SLC22A13: variants seen among roughly 807,000 people sequenced by gnomAD.
SLC22A13 encodes solute carrier family 22 member 13, also known as organic anion transporter 10.
In SLC22A13, 42 loss-of-function variants were observed where a neutral mutation model predicts 49.1. That is an observed-to-expected ratio of 0.85 (90% CI 0.67 to 1.11). SLC22A13 has a LOEUF of 1.11. Ranked by LOEUF, SLC22A13 falls within the 50% of genes least tolerant of loss-of-function variation. The pLI is 0.00. For synonymous variants in SLC22A13, 282 were observed against 293.1 expected (o/e 0.96, Z 0.39); for missense variants, 694 against 712.8 (o/e 0.97, Z 0.30).
chr3:38,266,042 A>G lies in SLC22A13; in HGVS notation c.182A>G (p.Asn61Ser). ...AVAWVKNHTF[N>S]LSAAEQLVLS... ...GCTTGGGTGAAGAACCACACTTTCA[A>G]CCTGAGTGCTGCTGAACAGCTGGTA... is the stretch of plus-strand genomic sequence containing the variant. Residue 61 changes from asparagine to serine, a missense_variant, in exon 1 of 10, where the codon AAC becomes AGC. Physicochemically the swap from Asn to Ser is conservative, Grantham distance 46. Coordinates refer to ENST00000311856, the MANE Select transcript of SLC22A13 (RefSeq NM_004256.4). The G allele has an allele frequency of 6.2e-7, 1 of 1,614,038 alleles. No individual in the cohort carries two copies. Among genetic ancestry groups the G allele is most frequent in the South Asian group, 1.1e-5 (1 of 91,074 alleles).
intron 1 of SLC22A13, among the ~76,000 whole-genome samples, chr3:38,273,444 G>A (rs894823658): frequency 3.3e-5 from 5 of 151,888 alleles, no homozygotes; most frequent in African/African-American, 9.7e-5. Context: ...TCTCCTAATC[G>A]CCTTCCTCAG....
rs74712802 is a variant in SLC22A13 at position 38,269,386 on chromosome 3, T to C, written c.378+3148T>C. Among the ~76,000 whole-genome samples the C allele has an allele frequency of 6.4e-3, 979 of 152,150 alleles. 10 individuals carry two copies. Among genetic ancestry groups the C allele is most frequent in the African/African-American group, 0.023 (943 of 41,486 alleles). ...GATTCTCTGACCTCAGCCTATCAAG[T>C]AGCTGGGACTACAGGCATGCACCAC... On this transcript the variant is annotated intron_variant, in intron 1 of 9. Coordinates refer to ENST00000311856, the MANE Select transcript of SLC22A13 (RefSeq NM_004256.4).
At chr3:38,277,330 C>T (rs1703599554) in intron 9 of SLC22A13, 42 bp from the exon 10 acceptor site, 1 of 1,477,464 alleles carries the variant, frequency 6.8e-7, no homozygotes, top group African/African-American at 1.4e-5. Context: ...TGTCATGGGA[C>T]CAATTCCTGG....
intron 1 of SLC22A13, among the ~76,000 whole-genome samples, chr3:38,266,918 T>C (rs1434961614): frequency 6.6e-6 from 1 of 152,144 alleles, no homozygotes; most frequent in East Asian, 1.9e-4. Flanking sequence ...CTCTGTTGCT[T>C]CCCAGATGTT....
intron 1 of SLC22A13, among the ~76,000 whole-genome samples, chr3:38,268,965 CAAAA>C (rs918074997): frequency 2.7e-5 from 4 of 150,302 alleles, no homozygotes; most frequent in South Asian, 2.1e-4. Flanking sequence ...AACAAACAAA[CAAAA>C]AAAACAGCAT....
At position 38,265,812 on chromosome 3, in the gene SLC22A13, A is replaced by G; in HGVS notation, c.-49A>G. The G allele has an allele frequency of 6.3e-7, 1 of 1,584,642 alleles. No individual in the cohort carries two copies. The highest frequency in any genetic ancestry group is 8.6e-7 in the Non-Finnish European group (1 of 1,159,062). On this transcript the variant is annotated 5_prime_UTR_variant, in exon 1 of 10. Coordinates refer to ENST00000311856, the MANE Select transcript of SLC22A13 (RefSeq NM_004256.4). ...AGGAGCAAGTTCCCAGAGCCAAGCT[A>G]CAGAGCTACCCTAGTGTCCCCAGGC...
chr3:38,274,462 G>A (rs1703553862), intron 2 of SLC22A13, 87 bp downstream of exon 2: 1 of 1,432,962 alleles, frequency 7.0e-7, no homozygotes, highest in East Asian at 2.3e-5. Context: ...CCTTACACTG[G>A]CCTTTAGGCA....
chr3:38,273,011 T>C (rs1257708305), intron 1 of SLC22A13, among the ~76,000 whole-genome samples: 2 of 152,202 alleles, frequency 1.3e-5, no homozygotes, highest in Non-Finnish European at 1.5e-5. Context: ...AGGATTATTA[T>C]TAGAATTCTG....
rs1703556152 is a variant in SLC22A13 at position 38,274,617 on chromosome 3, G to C, written c.496G>C (p.Ala166Pro). 5 of 1,613,688 alleles carry C rather than the reference G, an allele frequency of 3.1e-6. No homozygotes were observed. Among genetic ancestry groups the C allele is most frequent in the African/African-American group, 1.3e-5 (1 of 74,940 alleles). Residue 166 changes from alanine to proline, a missense_variant, in exon 3 of 10, where the codon GCC becomes CCC. Ala to Pro is a conservative substitution (Grantham distance 27). Transcript: ENST00000311856. The part of the protein sequence containing the change: ...GPLCDRIGRK[A>P]TILAQLLLFT... ...CTGTTTCCTCAGGATTGGCCGCAAGGCCACAATCCTGGCGCAGCTGCTCCT... is the reference window on the plus strand; with the variant it reads ...CTGTTTCCTCAGGATTGGCCGCAAGCCCACAATCCTGGCGCAGCTGCTCCT...
At chr3:38,268,069 T>C (rs1416798222) in intron 1 of SLC22A13, among the ~76,000 whole-genome samples, 1 of 152,204 alleles carries the variant, frequency 6.6e-6, no homozygotes, top group African/African-American at 2.4e-5. Flanking sequence ...CACAAAGAAT[T>C]ATCATGTGAG....
chr3:38,274,405 CTA>C, intron 2 of SLC22A13, 30 bp downstream of exon 2: 1 of 1,582,326 alleles, frequency 6.3e-7, no homozygotes, highest in Non-Finnish European at 8.7e-7. Flanking sequence ...CACTCCCTGC[CTA>C]GCAAGCTCGT....
chr3:38,277,818 C>T lies in SLC22A13; in HGVS notation c.*353C>T, dbSNP rs1382945436. 4 of 185,460 alleles carry T rather than the reference C, an allele frequency of 2.2e-5. 1 individual carries two copies. Among genetic ancestry groups the T allele is most frequent in the South Asian group, 1.5e-4 (1 of 6,876 alleles). 11.5% of individuals were successfully genotyped at this position (185,460 alleles called of 1,614,324 possible). ...AATCTGGAGTCCCCTGCCCTCAAAA[C>T]ACAGTGATGTTCAGAACAGAACACA... On this transcript the variant is annotated 3_prime_UTR_variant, in exon 10 of 10. Coordinates refer to ENST00000311856, the MANE Select transcript of SLC22A13 (RefSeq NM_004256.4).
At position 38,266,222 on chromosome 3, in the gene SLC22A13, C is replaced by T; in HGVS notation, c.362C>T (p.Pro121Leu). The T allele has an allele frequency of 6.2e-7, 1 of 1,613,870 alleles. No homozygotes were observed. ...TGGGAATATCCTGAGAACAGGCTCC[C>T]ATCCCTGAAGAATGAGGTAGGCTTG... ...MGWEYPENRL[P>L]SLKNEFNLVC... Residue 121 changes from proline (P) to leucine (L), a missense_variant, in exon 1 of 10, where the codon CCA becomes CTA. Coordinates refer to ENST00000311856, the MANE Select transcript of SLC22A13 (RefSeq NM_004256.4).
At position 38,275,447 on chromosome 3, in the gene SLC22A13, C is replaced by T; in HGVS notation, c.884C>T (p.Ala295Val). The change falls in exon 5 of 10, where the codon GCC (alanine) becomes GTC (valine). Residue 295 changes from alanine (A) to valine (V), a missense_variant. Transcript: ENST00000311856. ...DEAIQLIQKA[A>V]SVNRRKLSPE... ...GCGATACAACTGATCCAGAAGGCGG[C>T]CTCGGTCAATAGGCGGAAACTCTCC... 1 of 1,614,230 alleles carries T rather than the reference C, an allele frequency of 6.2e-7. No individual in the cohort carries two copies.
At chr3:38,266,752 G>C (rs759703753) in intron 1 of SLC22A13, among the ~76,000 whole-genome samples, 4 of 152,078 alleles carry the variant, frequency 2.6e-5, no homozygotes, top group Non-Finnish European at 5.9e-5. Context: ...CCTGCCCTTG[G>C]GACGCTGGAG....
Position 38,275,434 on chromosome 3 carries a change from A to G in SLC22A13, c.871A>G (p.Ile291Val), listed in dbSNP as rs1435720597. ...RGRMDEAIQL[I>V]QKAASVNRRK... The stretch of plus-strand genomic sequence containing the variant: ...GAGGATGGACGAGGCGATACAACTG[A>G]TCCAGAAGGCGGCCTCGGTCAATAG... The change falls in exon 5 of 10, where the codon ATC (isoleucine) becomes GTC (valine). Residue 291 changes from isoleucine (I) to valine (V), a missense_variant. Ile to Val is a conservative substitution (Grantham distance 29, BLOSUM62 3). Coordinates refer to ENST00000311856, the MANE Select transcript of SLC22A13 (RefSeq NM_004256.4). 6.2e-7 allele frequency: 1 copy of G among 1,614,072 alleles called. No individual in the cohort carries two copies. Among genetic ancestry groups the G allele is most frequent in the Non-Finnish European group, 8.5e-7 (1 of 1,180,040 alleles).
chr3:38,275,155 C>T lies in SLC22A13; in HGVS notation c.804C>T (p.Phe268=), dbSNP rs1370019746. 1 of 1,614,174 alleles carries T rather than the reference C, an allele frequency of 6.2e-7. No individual in the cohort carries two copies. Among genetic ancestry groups the T allele is most frequent in the East Asian group, 2.2e-5 (1 of 44,880 alleles). Residue 268 remains phenylalanine, a splice_region_variant and synonymous_variant, in exon 4 of 10, where the codon TTC becomes TTT. Transcript: ENST00000311856. ...TAPGLLLFFY[F]WALPESARWL... is the part of the protein sequence containing the mutation. ...CTGGCTTACTGCTCTTCTTCTACTT[C>T]TGGTGAGGAAAATACATGCCAGGAG...
rs758418240 is a variant in SLC22A13, at chr3:38,266,120, G to A, written c.260G>A (p.Arg87Gln). The stretch of plus-strand genomic sequence containing the variant: ...CACCCAGAGCCCTGCCTCATGTTCC[G>A]GCCACCCCCCGCCAATGCCAGCCTG... Reference protein sequence around the residue: ...AGHPEPCLMFRPPPANASLQD... With the variant: ...AGHPEPCLMFQPPPANASLQD... The change falls in exon 1 of 10, where the codon CGG (arginine) becomes CAG (glutamine). Residue 87 changes from arginine (R) to glutamine (Q), a missense_variant. Physicochemically the swap from Arg to Gln is conservative, Grantham distance 43. Coordinates refer to ENST00000311856, the MANE Select transcript of SLC22A13 (RefSeq NM_004256.4). The A allele has an allele frequency of 1.1e-5, 18 of 1,613,856 alleles. No homozygotes were observed. The highest frequency in any genetic ancestry group is 9.3e-5 in the African/African-American group (7 of 74,870).
intron 1 of SLC22A13, among the ~76,000 whole-genome samples, chr3:38,268,543 T>C (rs1703486430): frequency 6.6e-6 from 1 of 152,262 alleles, no homozygotes; most frequent in African/African-American, 2.4e-5. Context: ...AGACTTTTTT[T>C]CAGATTATGA....
Sources: gnomAD v4.1 joint callset for allele counts (sites outside exome capture counted in the v4.1 genomes callset) on GRCh38, gnomAD v4.1.1 for gene constraint, MANE v1.5 for transcripts, NCBI Gene and HGNC (gene_info 2026-07-23, HGNC 2026-07-21) for gene names.